Variants in MMS19 observed in about 807,000 individuals in gnomAD.
MMS19 encodes the protein MMS19 cytosolic iron-sulfur assembly component.
A neutral mutation model predicts 129.8 loss-of-function variants in MMS19; 77 were observed. The ratio of observed to expected loss-of-function variants is 0.59; its 90% CI spans 0.49 to 0.72. The LOEUF (loss-of-function observed/expected upper bound fraction) is 0.72, where lower values mean the gene tolerates loss of function less well. Among genes scored for constraint, MMS19 ranks in the 30% least tolerant of loss-of-function variants. The pLI, the probability that MMS19 is intolerant of heterozygous loss-of-function variation, is 0.00. For synonymous variants in MMS19, 491 were observed against 502.8 expected, an observed-to-expected ratio of 0.98 and a Z score of 0.31; for missense variants, 1,168 against 1,266.3, an observed-to-expected ratio of 0.92 and a Z score of 1.18.
At chr10:97,461,785 T>C (rs1203475732) in intron 22 of MMS19, 43 bp downstream of exon 22, 1 of 1,582,244 alleles carries the variant, frequency 6.3e-7, no homozygotes, top group South Asian at 1.2e-5. Flanking sequence ...GGAGTCACCT[T>C]GTCAAGGTTA....
intron 1 of MMS19, among the ~76,000 whole-genome samples, chr10:97,497,248 G>A (rs1014661709): frequency 5.9e-5 from 9 of 152,090 alleles, no homozygotes; most frequent in African/African-American, 1.9e-4. Flanking sequence ...CATCATGTTT[G>A]GGGAATAATA....
At position 97,469,025 on chromosome 10, in the gene MMS19, G is replaced by A; in HGVS notation, c.1004C>T (p.Ser335Phe). ...LHSLTACLSR[S>F]VLRADAEDLL... ...GTCCTCAGCATCAGCCCTCAGCACA[G>A]AGCGAGACAAACACGCAGTCAGGGA... The change falls in exon 12 of 31, where the codon TCT (serine) becomes TTT (phenylalanine). Residue 335 changes from serine (S) to phenylalanine (F), a missense_variant. Ser to Phe is a radical substitution (Grantham distance 155). Coordinates refer to ENST00000438925, the MANE Select transcript of MMS19 (RefSeq NM_022362.5). 1 of 1,586,958 alleles carries A rather than the reference G, an allele frequency of 6.3e-7. No individual in the cohort carries two copies.
intron 1 of MMS19, among the ~76,000 whole-genome samples, chr10:97,488,025 G>T (rs961133321): frequency 1.3e-5 from 2 of 152,084 alleles, no homozygotes; most frequent in African/African-American, 4.8e-5. Flanking sequence ...GGAGGCAGAG[G>T]TTGCAGTGAG....
chr10:97,488,721 A>G (rs1328181105), intron 1 of MMS19, among the ~76,000 whole-genome samples: 1 of 152,220 alleles, frequency 6.6e-6, no homozygotes, highest in African/African-American at 2.4e-5. Context: ...TTTTTCCCCC[A>G]AATACTTTTG....
intron 23 of MMS19, 197 bp downstream of exon 23, chr10:97,461,296 CTCT>C (rs2031822754): frequency 1.5e-6 from 1 of 648,928 alleles, no homozygotes; most frequent in South Asian, 2.0e-5. Context: ...GTGCTCCCTT[CTCT>C]TCTTAGGTAC....
In MMS19 at chr10:97,465,292, G is replaced by A. The variant is rs566574265; in HGVS notation, c.1756+513C>T. On this transcript the variant is annotated intron_variant, in intron 18 of 30. Transcript: ENST00000438925. ...TGGGATTATAGGCATGTGCCACTGC[G>A]CCCAACCCTTTTTTTCTTTTGAGAT... Among the ~76,000 whole-genome samples the A allele has an allele frequency of 4.6e-5, 7 of 152,072 alleles. No individual in the cohort carries two copies. The East Asian group carries it at 9.7e-4, about 21-fold the overall frequency.
In MMS19 at chr10:97,460,238, G is replaced by C. The variant is rs1564615349; in HGVS notation, c.2470-6C>G. The C allele has an allele frequency of 6.2e-7, 1 of 1,604,362 alleles. No homozygotes were observed. The highest frequency in any genetic ancestry group is 1.1e-5 in the South Asian group (1 of 89,906). On this transcript the variant is annotated splice_region_variant and splice_polypyrimidine_tract_variant and intron_variant, in intron 25 of 30. Transcript: ENST00000438925. ...TCACTCAGGAGGCCCATGAGCTGGA[G>C]AAAAAAGAGCCTTTGAGGTACATCA...
rs922444890 is a variant in MMS19 at position 97,481,940 on chromosome 10, G to A, written c.162-898C>T. 3.5e-4 allele frequency among the ~76,000 whole-genome samples: 53 copies of A among 152,306 alleles called. 1 individual carries two copies. Among genetic ancestry groups the A allele is most frequent in the African/African-American group, 1.3e-3 (52 of 41,564 alleles). ...CACCTGTAATCCCAGAATTTTGGGA[G>A]ACAGACGAGAGGATCACTTGAGCCC... On this transcript the variant is annotated intron_variant, in intron 2 of 30. Transcript: ENST00000438925.
chr10:97,476,675 C>T lies in MMS19; in HGVS notation c.684+8G>A. Reference sequence around the variant, plus strand: ...AATATATGATCAAACAATGAAGGTGCTACTTACAGGGGTAAAATCGATAGG... The same window carrying T: ...AATATATGATCAAACAATGAAGGTGTTACTTACAGGGGTAAAATCGATAGG... On this transcript the variant is annotated splice_region_variant and intron_variant, in intron 8 of 30. Coordinates refer to ENST00000438925, the MANE Select transcript of MMS19 (RefSeq NM_022362.5). 1 of 1,613,226 alleles carries T rather than the reference C, an allele frequency of 6.2e-7. No individual in the cohort carries two copies. The highest frequency in any genetic ancestry group is 8.5e-7 in the Non-Finnish European group (1 of 1,179,418).
At position 97,468,649 on chromosome 10, in the gene MMS19, C is replaced by T. The variant is rs571648595; in HGVS notation, c.1064-243G>A. Among the ~76,000 whole-genome samples the T allele has an allele frequency of 2.2e-4, 34 of 152,088 alleles. No individual in the cohort carries two copies. In the East Asian group the frequency reaches 4.3e-3, roughly 19 times the overall value. ...TTTTTTAGAGATGGAGTTTTGCTCT[C>T]GTTGCCCAAGCTGGAGTGCAGTGGC... On this transcript the variant is annotated intron_variant, in intron 12 of 30. Transcript: ENST00000438925.
intron 1 of MMS19, among the ~76,000 whole-genome samples, chr10:97,497,271 T>C (rs945022241): frequency 2.0e-5 from 3 of 152,210 alleles, no homozygotes; most frequent in Non-Finnish European, 2.9e-5. Flanking sequence ...TATTCAACAA[T>C]AGTGGCATGA....
At chr10:97,468,472 A>G in intron 12 of MMS19, 66 bp from the exon 13 acceptor site, 1 of 1,461,034 alleles carries the variant, frequency 6.8e-7, no homozygotes, top group African/African-American at 1.4e-5. Flanking sequence ...CCTACAGTCC[A>G]CAGAGGTTGG....
rs1417553079 is a variant in MMS19, at chr10:97,469,124, T to A, written c.925-20A>T. The A allele has an allele frequency of 6.4e-7, 1 of 1,561,084 alleles. No individual in the cohort carries two copies. Among genetic ancestry groups the A allele is most frequent in the African/African-American group, 1.4e-5 (1 of 74,022 alleles). On this transcript the variant is annotated intron_variant, in intron 11 of 30. Transcript: ENST00000438925. ...GAACACCTGTCAGGGAGGGATCCCA[T>A]GGCTACTGAGGTGAGCCTGCACCAG...
rs367722662 is a variant in MMS19 at position 97,467,590 on chromosome 10, C to T, written c.1219-7G>A. On this transcript the variant is annotated splice_region_variant and splice_polypyrimidine_tract_variant and intron_variant, in intron 13 of 30. Coordinates refer to ENST00000438925, the MANE Select transcript of MMS19 (RefSeq NM_022362.5). ...TTGTCCGCCGCTGGCTGCTCTGTAACGTTTCAAGGGGTACTAGAGTCAAAG... is the reference window on the plus strand; with the variant it reads ...TTGTCCGCCGCTGGCTGCTCTGTAATGTTTCAAGGGGTACTAGAGTCAAAG... 6.3e-5 allele frequency: 102 copies of T among 1,613,272 alleles called. No homozygotes were observed. Among genetic ancestry groups the T allele is most frequent in the Middle Eastern group, 1.6e-4 (1 of 6,076 alleles).
intron 1 of MMS19, among the ~76,000 whole-genome samples, chr10:97,493,160 C>G (rs1338120159): frequency 6.6e-6 from 1 of 151,918 alleles, no homozygotes; most frequent in Non-Finnish European, 1.5e-5. Flanking sequence ...TACAGGCACA[C>G]CACCATGCTG....
chr10:97,461,051 T>C (rs755163550), intron 23 of MMS19, 44 bp from the exon 24 acceptor site: 8 of 1,447,662 alleles, frequency 5.5e-6, no homozygotes, highest in Non-Finnish European at 6.6e-6. Context: ...CTACACATTT[T>C]CCCTTTAGCA....
At chr10:97,493,940 G>C (rs984208793) in intron 1 of MMS19, among the ~76,000 whole-genome samples, 1 of 152,066 alleles carries the variant, frequency 6.6e-6, no homozygotes, top group Admixed American at 6.6e-5. Flanking sequence ...ACTTGAACCT[G>C]GGGGGCAGAG....
intron 8 of MMS19, among the ~76,000 whole-genome samples, chr10:97,475,580 C>G (rs1283254978): frequency 6.6e-6 from 1 of 150,810 alleles, no homozygotes; most frequent in Non-Finnish European, 1.5e-5. Flanking sequence ...ACTAAAAATA[C>G]AAAAAAAATT....
intron 19 of MMS19, among the ~76,000 whole-genome samples, chr10:97,463,533 T>A (rs1041275093): frequency 6.6e-6 from 1 of 152,242 alleles, no homozygotes; most frequent in Non-Finnish European, 1.5e-5. Context: ...TCACCTAAGT[T>A]AGCAAGTGGT....
Sources: gnomAD v4.1 joint callset for allele counts (sites outside exome capture counted in the v4.1 genomes callset) on GRCh38, gnomAD v4.1.1 for gene constraint, MANE v1.5 for transcripts, NCBI Gene and HGNC (gene_info 2026-07-23, HGNC 2026-07-21) for gene names.